C8orf89: variants seen among roughly 807,000 people sequenced by gnomAD.
C8orf89 encodes the protein putative uncharacterized protein C8orf89.
C8orf89 carries 14 observed loss-of-function variants against 15.8 expected under a neutral mutation model. The observed-to-expected ratio is 0.89, with a 90% CI of 0.59 to 1.39. C8orf89 has a LOEUF of 1.39. C8orf89 is among the 40% of genes most tolerant of loss of function. The pLI is 0.00. For missense variants in C8orf89, 181 were observed against 184.5 expected, an observed-to-expected ratio of 0.98 and a Z score of 0.11; for synonymous variants, 55 against 62.2, an observed-to-expected ratio of 0.88 and a Z score of 0.54.
chr8:73,257,109 C>A lies in C8orf89; in HGVS notation c.145G>T (p.Gly49Cys), dbSNP rs1460015184. The change falls in exon 2 of 4, where the codon GGT becomes TGT. Residue 49 changes from glycine (G) to cysteine (C), a missense_variant. By Grantham distance (159) the Gly-to-Cys change is radical. Coordinates refer to ENST00000624510, the MANE Select transcript of C8orf89 (RefSeq NM_001243237.3). ...ATACATTCCTTGAGCTCTTCTAGAC[C>A]AAATGCTGTGGTATATTCTGGTTAA... ...KIKKEYTTAF[G>C]LEELKECIKM... 6.5e-7 allele frequency: 1 copy of A among 1,532,712 alleles called. No homozygotes were observed. The highest frequency in any genetic ancestry group is 8.7e-7 in the Non-Finnish European group (1 of 1,144,980). 94.9% of individuals were successfully genotyped at this position (1,532,712 alleles called of 1,614,324 possible).
the C8orf89 span, among the ~76,000 whole-genome samples, chr8:73,285,911 C>T: frequency 6.6e-6 from 1 of 152,318 alleles, no homozygotes; most frequent in East Asian, 1.9e-4. Flanking sequence ...GCCCGGCCGG[C>T]GTCTCCCGAG....
chr8:73,279,235 T>TA, the C8orf89 span, among the ~76,000 whole-genome samples: 2 of 152,262 alleles, frequency 1.3e-5, no homozygotes, highest in African/African-American at 4.8e-5. Context: ...CAAACTCATC[T>TA]ATAGAGAGAT....
chr8:73,257,157 T>C (rs1258930024), intron 1 of C8orf89, 31 bp from the exon 2 acceptor site: 1 of 1,408,206 alleles, frequency 7.1e-7, no homozygotes, highest in Admixed American at 2.1e-5. Flanking sequence ...ATCATCTTGA[T>C]TAAATGCATA....
At chr8:73,255,825 T>A (rs1486920661) in intron 2 of C8orf89, among the ~76,000 whole-genome samples, 1 of 151,570 alleles carries the variant, frequency 6.6e-6, no homozygotes, top group African/African-American at 2.4e-5. Context: ...TGGATGAAAT[T>A]GGAAATCATC....
chr8:73,272,014 A>G, the C8orf89 span, among the ~76,000 whole-genome samples: 1 of 152,242 alleles, frequency 6.6e-6, no homozygotes, highest in Non-Finnish European at 1.5e-5. Flanking sequence ...AAGAAATGAT[A>G]GCTGCAATTA....
At chr8:73,251,343 C>G (rs1346139175) in intron 2 of C8orf89, among the ~76,000 whole-genome samples, 1 of 152,192 alleles carries the variant, frequency 6.6e-6, no homozygotes, top group Non-Finnish European at 1.5e-5. Flanking sequence ...TTTGCCAAAA[C>G]CGCTCCTTCA....
chr8:73,245,125 G>A lies in C8orf89; in HGVS notation c.338-3520C>T, dbSNP rs530093176. On this transcript the variant is annotated intron_variant, in intron 3 of 3. Transcript: ENST00000624510. ...TCCTCTTATAAAACCATCAGATCTC[G>A]TGAGACTTACTCACTACCATGAGAA... is the stretch of plus-strand genomic sequence containing the variant. 2.1e-4 allele frequency among the ~76,000 whole-genome samples: 32 copies of A among 152,264 alleles called. No homozygotes were observed. The South Asian group carries it at 3.7e-3, about 18-fold the overall frequency.
the C8orf89 span, among the ~76,000 whole-genome samples, chr8:73,279,043 C>T: frequency 5.9e-5 from 9 of 152,196 alleles, no homozygotes; most frequent in African/African-American, 2.2e-4. Context: ...AGTCCTTCTG[C>T]TCTTCTTCAT....
chr8:73,275,855 A>C, the C8orf89 span, among the ~76,000 whole-genome samples: 1 of 152,256 alleles, frequency 6.6e-6, no homozygotes, highest in Non-Finnish European at 1.5e-5. Flanking sequence ...ATTTTTCTAT[A>C]ATATCATATT....
At chr8:73,279,922 A>G in the C8orf89 span, among the ~76,000 whole-genome samples, 1 of 152,216 alleles carries the variant, frequency 6.6e-6, no homozygotes, top group African/African-American at 2.4e-5. Flanking sequence ...ATGTGAGTGA[A>G]TAAACCTTCA....
the C8orf89 span, among the ~76,000 whole-genome samples, chr8:73,268,299 G>A: frequency 1.2e-4 from 18 of 152,016 alleles, no homozygotes; most frequent in Non-Finnish European, 2.5e-4. Flanking sequence ...CCAACATGGT[G>A]AGACCCTGTC....
the C8orf89 span, among the ~76,000 whole-genome samples, chr8:73,279,835 G>A: frequency 6.6e-6 from 1 of 152,202 alleles, no homozygotes; most frequent in Non-Finnish European, 1.5e-5. Context: ...CAGGTGACAT[G>A]GAGAGGCCAC....
chr8:73,255,873 A>G (rs1239190799), intron 2 of C8orf89, among the ~76,000 whole-genome samples: 1 of 149,176 alleles, frequency 6.7e-6, no homozygotes, highest in East Asian at 2.0e-4. Context: ...AAAACCAAAC[A>G]CCGCATATTC....
chr8:73,259,675 T>C (rs1026081965), upstream of C8orf89, among the ~76,000 whole-genome samples: 7 of 152,084 alleles, frequency 4.6e-5, no homozygotes, highest in African/African-American at 1.7e-4. Context: ...AGTTATCACC[T>C]ACAAGACAAT....
intron 3 of C8orf89, 27 bp from the exon 4 acceptor site, chr8:73,241,632 A>G: frequency 6.8e-7 from 1 of 1,467,586 alleles, no homozygotes; most frequent in Non-Finnish European, 9.0e-7. Flanking sequence ...GGAGTCAGCT[A>G]TTAAAATGAA....
chr8:73,284,695 A>G, the C8orf89 span, among the ~76,000 whole-genome samples: 9 of 152,220 alleles, frequency 5.9e-5, no homozygotes, highest in South Asian at 2.1e-4. Context: ...TACTGTTTCA[A>G]TAAGTACTTA....
chr8:73,256,515 GT>G (rs1443278741), intron 2 of C8orf89, among the ~76,000 whole-genome samples: 1 of 151,942 alleles, frequency 6.6e-6, no homozygotes, highest in Non-Finnish European at 1.5e-5. Flanking sequence ...AGATGACGAG[GT>G]CAAGAGATCA....
chr8:73,283,871 C>T, the C8orf89 span, among the ~76,000 whole-genome samples: 23 of 151,990 alleles, frequency 1.5e-4, no homozygotes, highest in African/African-American at 5.5e-4. Context: ...GAAACCCCAT[C>T]TCTATTAAAA....
chr8:73,276,598 A>C, the C8orf89 span, among the ~76,000 whole-genome samples: 1 of 152,144 alleles, frequency 6.6e-6, no homozygotes, highest in African/African-American at 2.4e-5. Context: ...CCTTTGTCAA[A>C]CTATCCCAGA....
Sources: allele counts gnomAD v4.1 joint callset (sites outside exome capture counted in the v4.1 genomes callset), GRCh38; gene constraint gnomAD v4.1.1; transcripts MANE v1.5; gene names NCBI Gene and HGNC (gene_info 2026-07-23, HGNC 2026-07-21).